Variants in GALNT14 observed in about 807,000 individuals in gnomAD.
GALNT14 encodes polypeptide N-acetylgalactosaminyltransferase 14, also known as UDP-GalNAc:polypeptide N-acetylgalactosaminyltransferase 14.
A neutral mutation model predicts 77.5 loss-of-function variants in GALNT14; 60 were observed. The ratio of observed to expected loss-of-function variants is 0.77; its 90% CI spans 0.63 to 0.96. The LOEUF (loss-of-function observed/expected upper bound fraction) is 0.96, where lower values mean the gene tolerates loss of function less well. Ranked by LOEUF, GALNT14 falls within the 40% of genes least tolerant of loss-of-function variation. The pLI is 0.00. For synonymous variants in GALNT14, 280 were observed against 281.7 expected (o/e 0.99, Z 0.06); for missense variants, 710 against 731.0 (o/e 0.97, Z 0.33).
At chr2:31,094,734 A>T (rs1025541630) in intron 1 of GALNT14, among the ~76,000 whole-genome samples, 1 of 152,206 alleles carries the variant, frequency 6.6e-6, no homozygotes, top group African/African-American at 2.4e-5. Context: ...TGAGATTGGA[A>T]GGCATAGGCT....
intron 1 of GALNT14, among the ~76,000 whole-genome samples, chr2:31,012,428 G>A (rs1671089857): frequency 6.6e-6 from 1 of 152,196 alleles, no homozygotes; most frequent in South Asian, 2.1e-4. Flanking sequence ...AACAGCGTGT[G>A]TCCTGGAGGC....
the GALNT14 span, among the ~76,000 whole-genome samples, chr2:30,904,236 G>C: frequency 6.6e-5 from 10 of 152,186 alleles, no homozygotes; most frequent in African/African-American, 2.4e-4. Context: ...AACAGCTCCC[G>C]TCTACAGCTC....
At chr2:30,974,591 G>C (rs1240072349) in intron 2 of GALNT14, among the ~76,000 whole-genome samples, 1 of 152,160 alleles carries the variant, frequency 6.6e-6, no homozygotes, top group Non-Finnish European at 1.5e-5. Context: ...CCATATATCT[G>C]AAATGCACTC....
At chr2:30,920,937 C>T (rs138796794) in intron 13 of GALNT14, among the ~76,000 whole-genome samples, 39 of 152,256 alleles carry the variant, frequency 2.6e-4, no homozygotes, top group Non-Finnish European at 5.1e-4. Flanking sequence ...TGTGGTGACA[C>T]CAACCCAGTT....
intron 1 of GALNT14, among the ~76,000 whole-genome samples, chr2:31,080,715 G>T (rs1328910135): frequency 2.6e-5 from 4 of 152,156 alleles, no homozygotes; most frequent in Non-Finnish European, 5.9e-5. Context: ...TTACATGAAA[G>T]GGTTAGTTTG....
At chr2:30,930,645 G>A (rs1370106110) in intron 10 of GALNT14, among the ~76,000 whole-genome samples, 1 of 152,224 alleles carries the variant, frequency 6.6e-6, no homozygotes, top group Non-Finnish European at 1.5e-5. Flanking sequence ...GGGCCTAACT[G>A]AAAAGGGGGT....
intron 2 of GALNT14, among the ~76,000 whole-genome samples, chr2:30,982,552 T>C (rs1449502083): frequency 6.6e-6 from 1 of 152,220 alleles, no homozygotes; most frequent in Non-Finnish European, 1.5e-5. Flanking sequence ...GGAAGCCAGA[T>C]ACACATGAGT....
chr2:31,075,708 T>G (rs1274564929), intron 1 of GALNT14, among the ~76,000 whole-genome samples: 1 of 152,236 alleles, frequency 6.6e-6, no homozygotes, highest in African/African-American at 2.4e-5. Flanking sequence ...GCTTTTCCTT[T>G]CACTGCTGAA....
intron 1 of GALNT14, among the ~76,000 whole-genome samples, chr2:31,121,269 C>G (rs560219461): frequency 5.3e-4 from 81 of 152,242 alleles, no homozygotes; most frequent in South Asian, 1.0e-3. Flanking sequence ...AGCAGCTACA[C>G]AAATTAAAAT....
At chr2:31,008,174 T>C (rs1238340856) in intron 1 of GALNT14, among the ~76,000 whole-genome samples, 1 of 152,120 alleles carries the variant, frequency 6.6e-6, no homozygotes, top group Non-Finnish European at 1.5e-5. Context: ...AGCCACAAAC[T>C]CCTGGGCTCA....
At chr2:31,113,566 G>A (rs949880975) in intron 1 of GALNT14, among the ~76,000 whole-genome samples, 2 of 152,144 alleles carry the variant, frequency 1.3e-5, no homozygotes, top group Non-Finnish European at 2.9e-5. Context: ...AGCTAGGGTA[G>A]CTCAGGGTAT....
chr2:30,968,972 AGGG>A (rs1287530403), intron 2 of GALNT14, among the ~76,000 whole-genome samples: 1 of 152,076 alleles, frequency 6.6e-6, no homozygotes, highest in Non-Finnish European at 1.5e-5. Context: ...GGAGACCTGG[AGGG>A]AGTGTTAGCT....
chr2:30,932,834 A>C (rs1665823827), intron 9 of GALNT14, among the ~76,000 whole-genome samples: 1 of 152,214 alleles, frequency 6.6e-6, no homozygotes, highest in Non-Finnish European at 1.5e-5. Flanking sequence ...ATAACCCAGG[A>C]GGAGAAAGTC....
chr2:30,906,400 G>T (rs1274786084), downstream of GALNT14, among the ~76,000 whole-genome samples: 1 of 148,660 alleles, frequency 6.7e-6, no homozygotes, highest in Non-Finnish European at 1.5e-5. Context: ...AAAGGCAGGG[G>T]TTGCAATCCT....
the GALNT14 span, among the ~76,000 whole-genome samples, chr2:30,891,601 G>A: frequency 2.0e-5 from 3 of 152,326 alleles, no homozygotes; most frequent in Admixed American, 2.0e-4. Flanking sequence ...ATGAACCCTA[G>A]TTCTGTCTTC....
intron 1 of GALNT14, among the ~76,000 whole-genome samples, chr2:31,000,435 CTGTGTGTGTGTGTG>C (rs3223043): frequency 7.7e-4 from 112 of 146,078 alleles, no homozygotes; most frequent in African/African-American, 2.6e-3. Flanking sequence ...ATATCACCAA[CTGTGTGTGTGTGTG>C]TGTGTGTGTG....
rs576994868 is a variant in GALNT14, at chr2:31,010,333, C to A, written c.130-17326G>T. On this transcript the variant is annotated intron_variant, in intron 1 of 14. Transcript: ENST00000349752. ...CGACATCTGTGGCTGGGCGTGGTAG[C>A]TCATGCCTGTAATCCCAACACTTTG... 3.9e-5 allele frequency among the ~76,000 whole-genome samples: 6 copies of A among 152,340 alleles called. No individual in the cohort carries two copies. In the East Asian group the frequency reaches 1.2e-3, roughly 29 times the overall value.
At chr2:30,997,594 G>A (rs1214153872) in intron 1 of GALNT14, among the ~76,000 whole-genome samples, 5 of 152,160 alleles carry the variant, frequency 3.3e-5, no homozygotes, top group Non-Finnish European at 4.4e-5. Context: ...GCAAGCCCCC[G>A]CTTCACTTTC....
At chr2:30,944,768 C>G (rs1666583637) in intron 8 of GALNT14, 90 bp downstream of exon 8, 7 of 1,030,328 alleles carry the variant, frequency 6.8e-6, no homozygotes, top group Non-Finnish European at 8.2e-6. Context: ...CTGCTTGATG[C>G]TTTGACATCT....
Sources: allele counts gnomAD v4.1 joint callset (sites outside exome capture counted in the v4.1 genomes callset), GRCh38; gene constraint gnomAD v4.1.1; transcripts MANE v1.5; gene names NCBI Gene and HGNC (gene_info 2026-07-23, HGNC 2026-07-21).